ROBO2: variants seen among roughly 807,000 people sequenced by gnomAD.
ROBO2 encodes roundabout homolog 2.
In ROBO2, 53 loss-of-function variants were observed where a neutral mutation model predicts 160.8. The observed-to-expected ratio is 0.33, with a 90% CI of 0.26 to 0.41. The LOEUF is 0.41. Ranked by LOEUF, ROBO2 falls within the 10% of genes least tolerant of loss-of-function variation. The probability of loss-of-function intolerance (pLI) is 1.00; values close to 1 mark genes in which losing one functional copy is unlikely to be tolerated. For synonymous variants in ROBO2, 664 were observed against 611.7 expected, an observed-to-expected ratio of 1.09 and a Z score of -1.26; for missense variants, 1,577 against 1,722.4, an observed-to-expected ratio of 0.92 and a Z score of 1.49.
At chr3:77,123,819 C>T (rs1462870714) in intron 2 of ROBO2, among the ~76,000 whole-genome samples, 1 of 148,318 alleles carries the variant, frequency 6.7e-6, no homozygotes, top group Non-Finnish European at 1.5e-5. Flanking sequence ...TATAGATACA[C>T]ATATCTATAT....
intron 2 of ROBO2, among the ~76,000 whole-genome samples, chr3:76,956,295 C>A (rs956941010): frequency 6.6e-6 from 1 of 152,118 alleles, no homozygotes; most frequent in Non-Finnish European, 1.5e-5. Context: ...CGGTGGCTCA[C>A]GCCTGTAATC....
chr3:76,757,121 C>T (rs2061020189), intron 2 of ROBO2, among the ~76,000 whole-genome samples: 1 of 151,678 alleles, frequency 6.6e-6, no homozygotes. Context: ...TACACCAGCT[C>T]AGTAAGCAAG....
intron 2 of ROBO2, among the ~76,000 whole-genome samples, chr3:76,383,123 G>C (rs1245573456): frequency 6.6e-6 from 1 of 152,108 alleles, no homozygotes; most frequent in Admixed American, 6.6e-5. Context: ...GCAGGGGAAA[G>C]GCTAGTATTG....
intron 2 of ROBO2, among the ~76,000 whole-genome samples, chr3:77,149,854 C>T (rs1343046523): frequency 6.6e-6 from 1 of 150,884 alleles, no homozygotes. Flanking sequence ...TTCTCATTTC[C>T]TTTCTCTCTA....
At chr3:75,957,268 TACAC>T (rs536615320) in intron 2 of ROBO2, among the ~76,000 whole-genome samples, 6 of 122,052 alleles carry the variant, frequency 4.9e-5, no homozygotes, top group African/African-American at 1.7e-4. Flanking sequence ...CACACACACA[TACAC>T]ACATTAGGTT....
chr3:76,352,722 T>C (rs2074950804), intron 2 of ROBO2, among the ~76,000 whole-genome samples: 1 of 151,950 alleles, frequency 6.6e-6, no homozygotes, highest in African/African-American at 2.4e-5. Flanking sequence ...ACCAGCAACT[T>C]TGGTCCTTTA....
At chr3:76,096,641 T>C (rs952550461) in intron 2 of ROBO2, among the ~76,000 whole-genome samples, 1 of 152,188 alleles carries the variant, frequency 6.6e-6, no homozygotes, top group African/African-American at 2.4e-5. Context: ...CATTAAGCAT[T>C]TACTGAGTAT....
At chr3:76,341,418 G>GTA (rs1553713120) in intron 2 of ROBO2, among the ~76,000 whole-genome samples, 2 of 68,410 alleles carry the variant, frequency 2.9e-5, no homozygotes, top group African/African-American at 1.2e-4. Context: ...TTTTTAAAGC[G>GTA]TAAAAAAAAA....
chr3:76,108,182 A>G (rs1046280503), intron 2 of ROBO2, among the ~76,000 whole-genome samples: 4 of 151,880 alleles, frequency 2.6e-5, no homozygotes, highest in African/African-American at 9.7e-5. Flanking sequence ...TGCGATGCTA[A>G]TCATCTTCCT....
chr3:77,121,999 G>A (rs902694321), intron 2 of ROBO2, among the ~76,000 whole-genome samples: 2 of 152,168 alleles, frequency 1.3e-5, no homozygotes, highest in South Asian at 2.1e-4. Flanking sequence ...GCTAGCCAGA[G>A]GGGATTTTTG....
chr3:77,168,383 C>T (rs2079301046), intron 2 of ROBO2, among the ~76,000 whole-genome samples: 4 of 152,094 alleles, frequency 2.6e-5, no homozygotes, highest in Admixed American at 2.6e-4. Context: ...AGTTATCTGG[C>T]CTCCATTGGT....
At chr3:75,909,264 T>TAA (rs1027202178) in intron 1 of ROBO2, among the ~76,000 whole-genome samples, 1 of 152,130 alleles carries the variant, frequency 6.6e-6, no homozygotes, top group African/African-American at 2.4e-5. Context: ...CATAATCTCT[T>TAA]AAAAAAATAA....
intron 2 of ROBO2, among the ~76,000 whole-genome samples, chr3:76,511,688 G>A (rs971672106): frequency 6.6e-6 from 1 of 152,132 alleles, no homozygotes; most frequent in African/African-American, 2.4e-5. Flanking sequence ...AAAAATAGTT[G>A]TGCATGCCTG....
At chr3:77,364,216 G>T (rs1023718985) in intron 2 of ROBO2, among the ~76,000 whole-genome samples, 5 of 151,728 alleles carry the variant, frequency 3.3e-5, no homozygotes, top group Non-Finnish European at 5.9e-5. Context: ...TTTATCTACT[G>T]GTGATTATCA....
chr3:76,396,846 A>T (rs2077483012), intron 2 of ROBO2, among the ~76,000 whole-genome samples: 1 of 152,170 alleles, frequency 6.6e-6, no homozygotes, highest in Admixed American at 6.5e-5. Context: ...ATGGAAGAAC[A>T]TTCCATGCTC....
chr3:76,729,627 G>GTCTCTC (rs10662099), intron 2 of ROBO2, among the ~76,000 whole-genome samples: 35 of 146,172 alleles, frequency 2.4e-4, no homozygotes, highest in African/African-American at 9.0e-4. Context: ...TTTCTTTTCT[G>GTCTCTC]TCTCTCTCTC....
rs568293414 is a variant in ROBO2, at chr3:77,605,026, C to A, written c.3136+2535C>A. On this transcript the variant is annotated intron_variant, in intron 20 of 25. Coordinates refer to ENST00000461745, the Ensembl canonical transcript of ROBO2. ...GAAAAAAATACAAAAATTAGCCAAG[C>A]ATGGTGGCACTCGACTGTATTCCCA... Among the ~76,000 whole-genome samples, 6 of 151,566 alleles carry A rather than the reference C, an allele frequency of 4.0e-5. No individual in the cohort carries two copies. In the East Asian group the frequency reaches 1.2e-3, roughly 30 times the overall value.
At chr3:76,018,911 C>A (rs963468860) in intron 2 of ROBO2, among the ~76,000 whole-genome samples, 1 of 151,836 alleles carries the variant, frequency 6.6e-6, no homozygotes, top group Non-Finnish European at 1.5e-5. Flanking sequence ...GTTCGGTTTT[C>A]TCTGAAGTTC....
intron 12 of ROBO2, 85 bp from the exon 14 acceptor site, chr3:77,568,228 A>G: frequency 6.7e-7 from 1 of 1,499,140 alleles, no homozygotes; most frequent in Non-Finnish European, 9.1e-7. Context: ...TTAGTTCTAA[A>G]GACATGAGGT....
Sources: allele counts gnomAD v4.1 joint callset (sites outside exome capture counted in the v4.1 genomes callset), GRCh38; gene constraint gnomAD v4.1.1; transcripts MANE v1.5; gene names NCBI Gene and HGNC (gene_info 2026-07-23, HGNC 2026-07-21).